The following CSMD1 variants were observed in gnomAD, a reference collection of about 807,000 sequenced individuals.
CSMD1 encodes the protein CUB and sushi domain-containing protein 1.
A neutral mutation model predicts 417.5 loss-of-function variants in CSMD1; 213 were observed. That is an observed-to-expected ratio of 0.51 (90% CI 0.46 to 0.57). The LOEUF (loss-of-function observed/expected upper bound fraction) is 0.57. Among genes scored for constraint, CSMD1 ranks in the 20% least tolerant of loss-of-function variants. CSMD1 has a pLI of 0.00. For synonymous variants in CSMD1, 2,862 were observed against 1,736.8 expected (o/e 1.65, Z -16.11); for missense variants, 6,923 against 4,529.7 (o/e 1.53, Z -15.17).
chr8:3,456,487 C>A lies in CSMD1; in HGVS notation c.1561+12225G>T, dbSNP rs887378124. On this transcript the variant is annotated intron_variant, in intron 12 of 69. Transcript: ENST00000635120. ...AATACAATTTAGAAAATGCATAACA[C>A]TGAAGGCCTTGTGAATGATGTCACC... 2.6e-5 allele frequency among the ~76,000 whole-genome samples: 4 copies of A among 152,328 alleles called. No homozygotes were observed. The East Asian group carries it at 7.7e-4, about 29-fold the overall frequency.
intron 1 of CSMD1, among the ~76,000 whole-genome samples, chr8:4,808,246 A>C (rs1445786688): frequency 6.6e-6 from 1 of 152,206 alleles, no homozygotes; most frequent in African/African-American, 2.4e-5. Flanking sequence ...ATTAGGAACG[A>C]TGATCAGAGC....
At chr8:3,256,905 C>G (rs1007365838) in intron 26 of CSMD1, among the ~76,000 whole-genome samples, 1 of 152,062 alleles carries the variant, frequency 6.6e-6, no homozygotes, top group African/African-American at 2.4e-5. Flanking sequence ...ATTCACAATG[C>G]AAAAATAGAA....
chr8:4,267,624 T>C (rs1804302364), intron 3 of CSMD1, among the ~76,000 whole-genome samples: 1 of 151,896 alleles, frequency 6.6e-6, no homozygotes, highest in South Asian at 2.1e-4. Flanking sequence ...TTATATTAAA[T>C]ATTAATAATT....
chr8:3,744,642 C>T (rs1394574857), intron 6 of CSMD1, among the ~76,000 whole-genome samples: 3 of 152,266 alleles, frequency 2.0e-5, no homozygotes, highest in South Asian at 4.2e-4. Flanking sequence ...GCTTCAAGTT[C>T]CAAAGCACAT....
chr8:4,601,820 G>A (rs75319646), intron 2 of CSMD1, among the ~76,000 whole-genome samples: 12,452 of 152,216 alleles, frequency 0.082, 654 homozygotes, highest in South Asian at 0.14. Flanking sequence ...GTCTGAGCAT[G>A]TCTGAGGTTA....
intron 10 of CSMD1, among the ~76,000 whole-genome samples, chr8:3,564,545 G>GTGTGTGTGTGTGTGTT: frequency 6.6e-6 from 1 of 151,824 alleles, no homozygotes; most frequent in Non-Finnish European, 1.5e-5. Flanking sequence ...GTGTGTGTGT[G>GTGTGTGTGTGTGTGTT]TGTGTATAAT....
chr8:3,313,278 T>C (rs1242911382), intron 23 of CSMD1, among the ~76,000 whole-genome samples: 1 of 152,016 alleles, frequency 6.6e-6, no homozygotes, highest in South Asian at 2.1e-4. Context: ...TGGGATCGGA[T>C]TAAACTAACG....
At chr8:3,038,773 ATC>A (rs374396111) in intron 50 of CSMD1, among the ~76,000 whole-genome samples, 4 of 152,200 alleles carry the variant, frequency 2.6e-5, no homozygotes, top group African/African-American at 9.6e-5. Context: ...ATAAGAATAT[ATC>A]CACATACTCA....
At chr8:3,195,537 G>A (rs529458127) in intron 33 of CSMD1, among the ~76,000 whole-genome samples, 8 of 152,274 alleles carry the variant, frequency 5.3e-5, no homozygotes, top group East Asian at 1.9e-4. Flanking sequence ...TTTGCATTGC[G>A]TCTAAGAATA....
At chr8:3,629,277 T>C (rs1256440128) in intron 7 of CSMD1, among the ~76,000 whole-genome samples, 2 of 150,644 alleles carry the variant, frequency 1.3e-5, no homozygotes, top group Admixed American at 1.3e-4. Context: ...CTGAATAAGA[T>C]GCTTAATGGA....
chr8:4,425,770 G>T (rs78090206), intron 2 of CSMD1, among the ~76,000 whole-genome samples: 8 of 152,098 alleles, frequency 5.3e-5, no homozygotes, highest in African/African-American at 1.9e-4. Flanking sequence ...ATCCACACAG[G>T]TGTCTTGCAG....
intron 10 of CSMD1, among the ~76,000 whole-genome samples, chr8:3,516,683 T>C (rs570122713): frequency 6.6e-6 from 1 of 152,150 alleles, no homozygotes; most frequent in Non-Finnish European, 1.5e-5. Flanking sequence ...CAGGTGGTAT[T>C]TGGTTACATG....
chr8:3,811,218 T>A (rs1287787432), intron 5 of CSMD1, among the ~76,000 whole-genome samples: 1 of 152,172 alleles, frequency 6.6e-6, no homozygotes, highest in Non-Finnish European at 1.5e-5. Context: ...AGAAGGGCAA[T>A]CTGTGAGTAT....
chr8:2,964,440 T>G lies in CSMD1; in HGVS notation c.9281-1045A>C, dbSNP rs1027641702. 3.9e-5 allele frequency among the ~76,000 whole-genome samples: 6 copies of G among 152,220 alleles called. No individual in the cohort carries two copies. In the East Asian group the frequency reaches 7.7e-4, roughly 20 times the overall value. ...GGCCCCAGTTGGAAGAGACCTGAGCTACATGGGTCCCCTGGGGGCAGGGGG... is the reference window on the plus strand; with the variant it reads ...GGCCCCAGTTGGAAGAGACCTGAGCGACATGGGTCCCCTGGGGGCAGGGGG... On this transcript the variant is annotated intron_variant, in intron 59 of 69. Coordinates refer to ENST00000635120, the MANE Select transcript of CSMD1 (RefSeq NM_033225.6).
At chr8:3,048,898 CA>C (rs1811636847) in intron 50 of CSMD1, among the ~76,000 whole-genome samples, 1 of 146,846 alleles carries the variant, frequency 6.8e-6, no homozygotes, top group South Asian at 2.1e-4. Flanking sequence ...AGGAAGTTAA[CA>C]ACCTGGCTAA....
rs144396995 is a variant in CSMD1 at position 4,887,791 on chromosome 8, G to A, written c.85+106541C>T. Among the ~76,000 whole-genome samples the A allele has an allele frequency of 1.5e-3, 221 of 151,564 alleles. 1 individual carries two copies. Among genetic ancestry groups the A allele is most frequent in the African/African-American group, 5.1e-3 (211 of 41,254 alleles). ...TCATTTTTTTTAAATGTCTCACTTC[G>A]TTTCTAGTGACACTTTTTGTTTTAA... On this transcript the variant is annotated intron_variant, in intron 1 of 69. Coordinates refer to ENST00000635120, the MANE Select transcript of CSMD1 (RefSeq NM_033225.6).
At chr8:4,360,728 T>A (rs1268979353) in intron 3 of CSMD1, among the ~76,000 whole-genome samples, 1 of 152,116 alleles carries the variant, frequency 6.6e-6, no homozygotes, top group African/African-American at 2.4e-5. Context: ...TCTCCTGACC[T>A]CGTGATCCGC....
intron 1 of CSMD1, among the ~76,000 whole-genome samples, chr8:4,912,359 CT>C (rs10578105): frequency 0.13 from 18,761 of 148,060 alleles, 1,117 homozygotes; most frequent in East Asian, 0.29. Context: ...TCATTTTCTG[CT>C]TTTTTTTTTT....
chr8:4,617,785 G>C (rs963314950), intron 2 of CSMD1, among the ~76,000 whole-genome samples: 2 of 151,956 alleles, frequency 1.3e-5, no homozygotes, highest in Admixed American at 6.6e-5. Context: ...TGAGTTATTT[G>C]CTTGCTCATA....
Sources: allele counts gnomAD v4.1 joint callset (sites outside exome capture counted in the v4.1 genomes callset), GRCh38; gene constraint gnomAD v4.1.1; transcripts MANE v1.5; gene names NCBI Gene and HGNC (gene_info 2026-07-23, HGNC 2026-07-21).